The following TMEM18 variants were observed in gnomAD, a reference collection of about 807,000 sequenced individuals.
TMEM18 encodes the protein transmembrane protein 18.
Under a neutral mutation model 17.4 loss-of-function variants are expected in TMEM18, and 14 were observed. That is an observed-to-expected ratio of 0.80 (90% confidence interval 0.53 to 1.25). The LOEUF (loss-of-function observed/expected upper bound fraction) is 1.25, where lower values mean the gene tolerates loss of function less well. Among genes scored for constraint, TMEM18 ranks in the 50% most tolerant of loss-of-function variants. TMEM18 has a pLI of 0.00. For missense variants in TMEM18, 187 were observed against 172.1 expected, an observed-to-expected ratio of 1.09 and a Z score of -0.48; for synonymous variants, 86 against 66.1, an observed-to-expected ratio of 1.30 and a Z score of -1.46.
rs1435350441 is a variant in TMEM18, at chr2:667,970, G to C, written c.*1610C>G. ...GCTATAAAGATACTACCTGAGACCT[G>C]GATTACTTTATAAACAAGAAGTTTA... On this transcript the variant is annotated 3_prime_UTR_variant, in exon 5 of 5. Transcript: ENST00000281017. The C allele has an allele frequency of 6.6e-6, 1 of 152,224 alleles. No individual in the cohort carries two copies. Among genetic ancestry groups the C allele is most frequent in the East Asian group, 1.9e-4 (1 of 5,198 alleles). 9.4% of individuals were successfully genotyped at this position (152,224 alleles called of 1,614,324 possible).
In TMEM18 at chr2:676,208, G is replaced by A. The variant is rs540400545; in HGVS notation, c.58-578C>T. ...TCTCCAGACAGTGCCGCACTCCGCC[G>A]CCTCCTGGACTCCCCGGGACCCTGC... On this transcript the variant is annotated intron_variant, in intron 1 of 4. Transcript: ENST00000281017. 3,766 of 1,377,056 alleles carry A rather than the reference G, an allele frequency of 2.7e-3. 6 individuals are homozygous for A. Among genetic ancestry groups the A allele is most frequent in the Middle Eastern group, 3.7e-3 (19 of 5,188 alleles). The allele number at this position is 1,377,056 out of a possible 1,614,324, so 85.3% of individuals were successfully genotyped here.
At chr2:676,533 C>T in intron 1 of TMEM18, 1 of 1,547,728 alleles carries the variant, frequency 6.5e-7, no homozygotes, top group Non-Finnish European at 8.7e-7. Flanking sequence ...CGCGCCATGA[C>T]ATAAGGACAC....
rs2103089951 is a variant in TMEM18, at chr2:669,694, G to A, written c.328-19C>T. The A allele has an allele frequency of 6.2e-7, 1 of 1,613,938 alleles. No homozygotes were observed. Among genetic ancestry groups the A allele is most frequent in the Non-Finnish European group, 8.5e-7 (1 of 1,179,858 alleles). ...ACATAACCTAAACACAATTGTTTGA[G>A]ACATGTTTAGATTTGAAAAACATAC... On this transcript the variant is annotated intron_variant, in intron 4 of 4. Transcript: ENST00000281017.
At chr2:674,622 T>A (rs974362239) in intron 2 of TMEM18, among the ~76,000 whole-genome samples, 1 of 152,260 alleles carries the variant, frequency 6.6e-6, no homozygotes, top group Non-Finnish European at 1.5e-5. Flanking sequence ...CTCACTTGCA[T>A]AGGCCCCCAC....
At chr2:676,977 C>CCTCCACAAGG (rs1331977488) in intron 1 of TMEM18, among the ~76,000 whole-genome samples, 3 of 151,968 alleles carry the variant, frequency 2.0e-5, no homozygotes, top group Non-Finnish European at 4.4e-5. Context: ...TGCGCACGCT[C>CCTCCACAAGG]CTCCACAAGG....
rs1678780848 is a variant in TMEM18 at position 669,530 on chromosome 2, GC to G, written c.*49del. ...CGCCACGCACACTGCAGCACTGGGA[GC>G]TGCACTGGGTGGACGGGAAGGACGC... On this transcript the variant is annotated 3_prime_UTR_variant, in exon 5 of 5. Transcript: ENST00000281017. 6.3e-7 allele frequency: 1 copy of G among 1,581,994 alleles called. No individual in the cohort carries two copies. Among genetic ancestry groups the G allele is most frequent in the Non-Finnish European group, 8.7e-7 (1 of 1,151,978 alleles).
intron 3 of TMEM18, chr2:670,092 G>A (rs142026805): frequency 8.6e-4 from 413 of 477,658 alleles, no homozygotes; most frequent in African/African-American, 6.5e-3. Context: ...CAGCAGCACA[G>A]GAAAGACCCC....
intron 1 of TMEM18, chr2:676,254 G>A: frequency 7.0e-7 from 1 of 1,432,614 alleles, no homozygotes; most frequent in Non-Finnish European, 9.3e-7. Context: ...GACAGTGTCT[G>A]GCTCAGGGAC....
chr2:672,773 C>T (rs1294804169), intron 3 of TMEM18, 35 bp downstream of exon 3: 1 of 1,440,650 alleles, frequency 6.9e-7, no homozygotes, highest in Non-Finnish European at 9.1e-7. Context: ...GACACCCCTG[C>T]AGGGACCTGG....
intron 2 of TMEM18, among the ~76,000 whole-genome samples, chr2:674,622 T>C (rs974362239): frequency 2.0e-5 from 3 of 152,260 alleles, no homozygotes; most frequent in Admixed American, 6.5e-5. Context: ...CTCACTTGCA[T>C]AGGCCCCCAC....
At position 677,274 on chromosome 2, in the gene TMEM18, C is replaced by T. The variant is rs1442852584; in HGVS notation, c.57+15G>A. 6.2e-7 allele frequency: 1 copy of T among 1,608,402 alleles called. No individual in the cohort carries two copies. The highest frequency in any genetic ancestry group is 2.2e-5 in the East Asian group (1 of 44,766). On this transcript the variant is annotated intron_variant, in intron 1 of 4. Coordinates refer to ENST00000281017, the MANE Select transcript of TMEM18 (RefSeq NM_152834.4). ...GTCCTCCCCCGAACTGGTGGTTACG[C>T]GGGCCGCGAGTTACCGTGAGCACGG...
intron 2 of TMEM18, 50 bp from the exon 3 acceptor site, chr2:672,912 C>T (rs779152212): frequency 1.7e-5 from 25 of 1,457,430 alleles, no homozygotes; most frequent in Non-Finnish European, 2.1e-5. Flanking sequence ...CGTTATTACT[C>T]GTTATAAAGT....
At position 664,096 on chromosome 2, in the gene TMEM18, A is replaced by G. The variant is rs554701504; in HGVS notation, c.*5484T>C. ...GCCTGGGTATTTCACAGGCATTTGT[A>G]TAATAAATGAAATGAACTTGGAAAG... is the stretch of plus-strand genomic sequence containing the variant. On this transcript the variant is annotated 3_prime_UTR_variant, in exon 5 of 5. Coordinates refer to ENST00000281017, the MANE Select transcript of TMEM18 (RefSeq NM_152834.4). Among the ~76,000 whole-genome samples, 1 of 152,378 alleles carries G rather than the reference A, an allele frequency of 6.6e-6. No homozygotes were observed. Among genetic ancestry groups the G allele is most frequent in the South Asian group, 2.1e-4 (1 of 4,834 alleles).
rs1678712870 is a variant in TMEM18 at position 667,078 on chromosome 2, C to T, written c.*2502G>A. On this transcript the variant is annotated 3_prime_UTR_variant, in exon 5 of 5. Transcript: ENST00000281017. Reference sequence around the variant, plus strand: ...CAAGAACATGTTAACATTTCCTTGCCACTTTACTTCTCACAGAAGCTAGCC... The same window carrying T: ...CAAGAACATGTTAACATTTCCTTGCTACTTTACTTCTCACAGAAGCTAGCC... Among the ~76,000 whole-genome samples the T allele has an allele frequency of 6.6e-6, 1 of 150,722 alleles. No individual in the cohort carries two copies. The highest frequency in any genetic ancestry group is 1.5e-5 in the Non-Finnish European group (1 of 67,836).
Position 668,483 on chromosome 2 carries a change from C to A in TMEM18, c.*1097G>T, listed in dbSNP as rs1003847228. 6.6e-6 allele frequency: 1 copy of A among 152,222 alleles called. No individual in the cohort carries two copies. Among genetic ancestry groups the A allele is most frequent in the African/African-American group, 2.4e-5 (1 of 41,456 alleles). 9.4% of individuals were successfully genotyped at this position (152,222 alleles called of 1,614,324 possible). On this transcript the variant is annotated 3_prime_UTR_variant, in exon 5 of 5. Coordinates refer to ENST00000281017, the MANE Select transcript of TMEM18 (RefSeq NM_152834.4). Reference sequence around the variant, plus strand: ...AACTTGGCTGGTGAGCTCTGCACCTCAACATTCTCTTCCCAGGCTTGTCTA... The same window carrying A: ...AACTTGGCTGGTGAGCTCTGCACCTAAACATTCTCTTCCCAGGCTTGTCTA...
rs554900375 is a variant in TMEM18, at chr2:669,209, G to C, written c.*371C>G. 1 of 182,472 alleles carries C rather than the reference G, an allele frequency of 5.5e-6. No individual in the cohort carries two copies. The highest frequency in any genetic ancestry group is 2.4e-5 in the African/African-American group (1 of 42,368). 11.3% of individuals were successfully genotyped at this position (182,472 alleles called of 1,614,324 possible). Reference sequence around the variant, plus strand: ...ACGAGGAGGAGGGCATGGTGCCCATGTACAGGTGGCACTGTTTATTATTGA... The same window carrying C: ...ACGAGGAGGAGGGCATGGTGCCCATCTACAGGTGGCACTGTTTATTATTGA... On this transcript the variant is annotated 3_prime_UTR_variant, in exon 5 of 5. Transcript: ENST00000281017.
chr2:673,642 G>A (rs920896338), intron 2 of TMEM18, among the ~76,000 whole-genome samples: 2 of 151,944 alleles, frequency 1.3e-5, no homozygotes, highest in East Asian at 1.9e-4. Context: ...TAGGGGCTAC[G>A]GTGAGCAGTC....
rs948626699 is a variant in TMEM18 at position 665,973 on chromosome 2, A to T, written c.*3607T>A. ...ACAAAACCCAGAGATGCGGATGCCC[A>T]GCTCACTCGGATGGAGTATTAACCC... On this transcript the variant is annotated 3_prime_UTR_variant, in exon 5 of 5. Coordinates refer to ENST00000281017, the MANE Select transcript of TMEM18 (RefSeq NM_152834.4). Among the ~76,000 whole-genome samples, 8 of 151,482 alleles carry T rather than the reference A, an allele frequency of 5.3e-5. No homozygotes were observed. Among genetic ancestry groups the T allele is most frequent in the Non-Finnish European group, 7.4e-5 (5 of 67,930 alleles).
At chr2:677,192 G>T in intron 1 of TMEM18, 97 bp downstream of exon 1, 1 of 1,469,518 alleles carries the variant, frequency 6.8e-7, no homozygotes, top group Non-Finnish European at 9.2e-7. Flanking sequence ...CCCACGGCCG[G>T]GGCCTTCTTG....
Sources: allele counts gnomAD v4.1 joint callset (sites outside exome capture counted in the v4.1 genomes callset), GRCh38; gene constraint gnomAD v4.1.1; transcripts MANE v1.5; gene names NCBI Gene and HGNC (gene_info 2026-07-23, HGNC 2026-07-21).